LDLRAD4: variants seen among roughly 807,000 people sequenced by gnomAD.
The protein encoded by LDLRAD4 is low density lipoprotein receptor class A domain containing 4, also known as low-density lipoprotein receptor class A domain-containing protein 4.
LDLRAD4 carries 5 observed loss-of-function variants against 17.0 expected under a neutral mutation model. That is an observed-to-expected ratio of 0.29 (90% CI 0.15 to 0.62). The LOEUF (loss-of-function observed/expected upper bound fraction) is 0.62. Ranked by LOEUF, LDLRAD4 falls within the 20% of genes least tolerant of loss-of-function variation. LDLRAD4 has a pLI of 0.84. For synonymous variants in LDLRAD4, 168 were observed against 171.8 expected, an observed-to-expected ratio of 0.98 and a Z score of 0.17; for missense variants, 340 against 424.7, an observed-to-expected ratio of 0.80 and a Z score of 1.75.
At chr18:13,644,507 G>C (rs2042893288) in intron 5 of LDLRAD4, among the ~76,000 whole-genome samples, 1 of 150,294 alleles carries the variant, frequency 6.7e-6, no homozygotes, top group Non-Finnish European at 1.5e-5. Flanking sequence ...GGTTAAGGTT[G>C]CAATAAGCCA....
chr18:13,488,957 G>A (rs1170017850), intron 3 of LDLRAD4: 1 of 152,214 alleles, frequency 6.6e-6, no homozygotes, highest in Non-Finnish European at 1.5e-5. Flanking sequence ...AGAAAACAGT[G>A]AAAGTACAAA....
intron 1 of LDLRAD4, among the ~76,000 whole-genome samples, chr18:13,348,708 G>A (rs1450712179): frequency 2.0e-5 from 3 of 152,092 alleles, no homozygotes; most frequent in East Asian, 3.9e-4. Context: ...CTTGAGCTGC[G>A]GTAGGCTCCA....
rs2095174555 is a variant in LDLRAD4, at chr18:13,602,471, C to G, written c.182-18646C>G. Among the ~76,000 whole-genome samples, 3 of 148,324 alleles carry G rather than the reference C, an allele frequency of 2.0e-5. 1 individual carries two copies. The South Asian group carries it at 6.5e-4, about 32-fold the overall frequency. On this transcript the variant is annotated intron_variant, in intron 3 of 5. Transcript: ENST00000359446. ...GGATGGGGGGAATTTTATCAGACATCATTCTTAAACCATGGCATTTAATTT... is the reference window on the plus strand; with the variant it reads ...GGATGGGGGGAATTTTATCAGACATGATTCTTAAACCATGGCATTTAATTT...
chr18:13,485,564 A>C (rs1486597810), intron 3 of LDLRAD4, among the ~76,000 whole-genome samples: 1 of 152,122 alleles, frequency 6.6e-6, no homozygotes, highest in Non-Finnish European at 1.5e-5. Context: ...CTCTGAACCC[A>C]CTTGTAGAAC....
intron 3 of LDLRAD4, among the ~76,000 whole-genome samples, chr18:13,539,923 T>C (rs1053077770): frequency 2.0e-5 from 3 of 152,230 alleles, no homozygotes; most frequent in African/African-American, 7.2e-5. Context: ...CACATTGCTA[T>C]GCCTTGGGCT....
At chr18:13,642,661 G>A (rs2042681070) in intron 4 of LDLRAD4, 3 of 1,231,286 alleles carry the variant, frequency 2.4e-6, no homozygotes, top group Non-Finnish European at 3.0e-6. Context: ...CGGGCCCCGG[G>A]CCACCTCTGC....
intron 1 of LDLRAD4, among the ~76,000 whole-genome samples, chr18:13,378,922 G>A (rs2085129814): frequency 6.6e-6 from 1 of 152,232 alleles, no homozygotes; most frequent in Non-Finnish European, 1.5e-5. Flanking sequence ...GGAAGAGGGT[G>A]GGCTGAGCCG....
At chr18:13,219,462 C>T (rs1045185358) in intron 1 of LDLRAD4, among the ~76,000 whole-genome samples, 3 of 152,180 alleles carry the variant, frequency 2.0e-5, no homozygotes, top group African/African-American at 4.8e-5. Flanking sequence ...GGCATCTTCT[C>T]ATCCCCGGAC....
rs946953585 is a variant in LDLRAD4 at position 13,645,423 on chromosome 18, C to T, written c.687C>T (p.Cys229=). 2 of 1,613,960 alleles carry T rather than the reference C, an allele frequency of 1.2e-6. No individual in the cohort carries two copies. The highest frequency in any genetic ancestry group is 2.2e-5 in the East Asian group (1 of 44,902). ...TTGCTATGTATAGCGGGGGTCCATG[C>T]CCACCCAGCAGCAACTCGGGCATCA... is the stretch of plus-strand genomic sequence containing the variant. Residue 229 remains cysteine (C), a synonymous_variant, in exon 6 of 6, where the codon TGC becomes TGT. Coordinates refer to ENST00000359446, the Ensembl canonical transcript of LDLRAD4. The surrounding 1 kb of genome is among the most constrained non-coding windows in gnomAD (Gnocchi z 5.7).
At chr18:13,591,416 ATGTGTGTGTGTGTGTCTG>A (rs2095026316) in intron 3 of LDLRAD4, among the ~76,000 whole-genome samples, 1 of 138,376 alleles carries the variant, frequency 7.2e-6, no homozygotes, top group Non-Finnish European at 1.6e-5. Context: ...ATGTGTGTGT[ATGTGTGTGTGTGTGTCTG>A]TGTGTGTGTG....
chr18:13,413,091 T>C (rs2088533278), intron 2 of LDLRAD4, among the ~76,000 whole-genome samples: 1 of 152,194 alleles, frequency 6.6e-6, no homozygotes, highest in Non-Finnish European at 1.5e-5. Context: ...CCTTGCTGTC[T>C]TCTCATGTTT....
upstream of LDLRAD4, among the ~76,000 whole-genome samples, chr18:13,274,163 T>C (rs1303169178): frequency 6.6e-6 from 1 of 152,178 alleles, no homozygotes; most frequent in Non-Finnish European, 1.5e-5. Flanking sequence ...GGAGGCTTAG[T>C]GTTTCTGCTC....
At chr18:13,322,142 A>G (rs1013223551) in intron 1 of LDLRAD4, among the ~76,000 whole-genome samples, 3 of 151,830 alleles carry the variant, frequency 2.0e-5, no homozygotes, top group African/African-American at 7.2e-5. Flanking sequence ...CACACTTAAC[A>G]TAATTTGAAA....
At chr18:13,329,380 T>G (rs531672015) in intron 1 of LDLRAD4, among the ~76,000 whole-genome samples, 91 of 152,366 alleles carry the variant, frequency 6.0e-4, no homozygotes, top group African/African-American at 2.2e-3. Flanking sequence ...AGAGTTATTT[T>G]AATTTGCATT....
At chr18:13,265,360 G>A (rs530823016) in intron 1 of LDLRAD4, among the ~76,000 whole-genome samples, 71 of 152,278 alleles carry the variant, frequency 4.7e-4, no homozygotes, top group African/African-American at 1.7e-3. Flanking sequence ...GGCCTGGACG[G>A]GGTCTCTGTC....
intron 3 of LDLRAD4, among the ~76,000 whole-genome samples, chr18:13,492,438 T>TC (rs771286480): frequency 6.6e-6 from 1 of 151,302 alleles, no homozygotes; most frequent in African/African-American, 2.4e-5. Flanking sequence ...GGTCCTCCCT[T>TC]CCCCCCCGGG....
intron 1 of LDLRAD4, among the ~76,000 whole-genome samples, chr18:13,295,716 G>A (rs1455151265): frequency 2.6e-5 from 4 of 152,244 alleles, no homozygotes; most frequent in African/African-American, 4.8e-5. Flanking sequence ...TTGAATACCT[G>A]CAAGAAATAG....
chr18:13,419,679 C>T, intron 2 of LDLRAD4: 1 of 152,228 alleles, frequency 6.6e-6, no homozygotes, highest in Non-Finnish European at 1.5e-5. Flanking sequence ...ACCCGGCAGT[C>T]TTATTCTAGT....
chr18:13,640,284 T>C (rs11664234), intron 4 of LDLRAD4, among the ~76,000 whole-genome samples: 6,218 of 86,190 alleles, frequency 0.072, 206 homozygotes, highest in Non-Finnish European at 0.085. Flanking sequence ...CAGAGCGAGA[T>C]TCCATCTCAA....
Sources: allele counts gnomAD v4.1 joint callset (sites outside exome capture counted in the v4.1 genomes callset), GRCh38; gene constraint gnomAD v4.1.1; non-coding constraint Gnocchi (gnomAD v3.1); transcripts MANE v1.5; gene names NCBI Gene and HGNC (gene_info 2026-07-23, HGNC 2026-07-21).